The following SDK1 variants were observed in gnomAD, a reference collection of about 807,000 sequenced individuals.
SDK1 encodes the protein protein sidekick-1.
A neutral mutation model predicts 245.5 loss-of-function variants in SDK1; 157 were observed. That is an observed-to-expected ratio of 0.64 (90% CI 0.56 to 0.73). SDK1 has a LOEUF of 0.73. SDK1 is among the 30% of genes least tolerant of loss of function. The probability of loss-of-function intolerance (pLI) is 0.00; values close to 1 mark genes in which losing one functional copy is unlikely to be tolerated. For missense variants in SDK1, 3,583 were observed against 3,002.3 expected, an observed-to-expected ratio of 1.19 and a Z score of -4.52; for synonymous variants, 1,647 against 1,278.5, an observed-to-expected ratio of 1.29 and a Z score of -6.15.
At chr7:3,586,704 CAAAA>C (rs57309941) in intron 1 of SDK1, among the ~76,000 whole-genome samples, 3 of 82,176 alleles carry the variant, frequency 3.7e-5, no homozygotes, top group Admixed American at 1.3e-4. Flanking sequence ...GACTCCGTCT[CAAAA>C]AAAAAAAAAA....
At chr7:3,947,109 C>A (rs780133174) in intron 5 of SDK1, among the ~76,000 whole-genome samples, 2 of 152,082 alleles carry the variant, frequency 1.3e-5, no homozygotes. Context: ...TATGTGTAGG[C>A]CTTTTGTTAT....
intron 36 of SDK1, among the ~76,000 whole-genome samples, chr7:4,207,332 T>C (rs1273108875): frequency 1.3e-5 from 2 of 152,194 alleles, no homozygotes; most frequent in Non-Finnish European, 2.9e-5. Flanking sequence ...GTGTTGTCTT[T>C]GGGCAGCCTG....
intron 4 of SDK1, among the ~76,000 whole-genome samples, chr7:3,789,696 T>C (rs987918300): frequency 4.6e-5 from 7 of 152,112 alleles, no homozygotes; most frequent in African/African-American, 1.7e-4. Context: ...ATGAAGATGA[T>C]AGAAAGACAA....
chr7:3,345,828 T>G (rs73048634), intron 1 of SDK1, among the ~76,000 whole-genome samples: 15,746 of 152,224 alleles, frequency 0.1, 1,026 homozygotes, highest in African/African-American at 0.18. Flanking sequence ...CAGTAATGTT[T>G]GATCCTTTAT....
intron 1 of SDK1, among the ~76,000 whole-genome samples, chr7:3,496,569 A>G (rs1782033025): frequency 6.6e-6 from 1 of 152,036 alleles, no homozygotes; most frequent in African/African-American, 2.4e-5. Flanking sequence ...CAAATGAGCT[A>G]TTTGAAACAG....
intron 1 of SDK1, among the ~76,000 whole-genome samples, chr7:3,431,362 T>C (rs1040486754): frequency 2.7e-5 from 4 of 150,098 alleles, no homozygotes; most frequent in African/African-American, 9.9e-5. Context: ...TGGGAGGTTT[T>C]TTTTTTTTTT....
At chr7:3,818,162 G>A (rs1779555914) in intron 4 of SDK1, among the ~76,000 whole-genome samples, 2 of 152,132 alleles carry the variant, frequency 1.3e-5, no homozygotes, top group Non-Finnish European at 2.9e-5. Context: ...ACAAAGATGG[G>A]GGAAGACTAA....
At chr7:4,028,904 A>C (rs1423160424) in intron 17 of SDK1, among the ~76,000 whole-genome samples, 1 of 152,154 alleles carries the variant, frequency 6.6e-6, no homozygotes, top group Admixed American at 6.5e-5. Context: ...GCTCTGCAAC[A>C]CTTGATGGGG....
intron 4 of SDK1, among the ~76,000 whole-genome samples, chr7:3,697,081 T>G (rs10230759): frequency 6.6e-6 from 1 of 152,244 alleles, no homozygotes; most frequent in African/African-American, 2.4e-5. Flanking sequence ...TGTTTTATTT[T>G]CTAGATTTTC....
chr7:3,350,410 T>C (rs776578600), intron 1 of SDK1, among the ~76,000 whole-genome samples: 4 of 152,214 alleles, frequency 2.6e-5, no homozygotes, highest in Non-Finnish European at 5.9e-5. Flanking sequence ...CCAAATTTAC[T>C]CAGCACATAA....
chr7:4,178,328 C>A lies in SDK1; in HGVS notation c.4997-157C>A, dbSNP rs547248793. Among the ~76,000 whole-genome samples, 12 of 152,242 alleles carry A rather than the reference C, an allele frequency of 7.9e-5. No individual in the cohort carries two copies. The East Asian group carries it at 2.3e-3, about 30-fold the overall frequency. On this transcript the variant is annotated intron_variant, in intron 34 of 44. Transcript: ENST00000404826. ...TTAATAGGAGAGAAGGAGGGTGCCC[C>A]GGTCACAGTGGATGCAGGTATTTCA... is the stretch of plus-strand genomic sequence containing the variant.
At position 3,832,197 on chromosome 7, in the gene SDK1, G is replaced by T. The variant is rs77636908; in HGVS notation, c.847+10614G>T. On this transcript the variant is annotated intron_variant, in intron 5 of 44. Transcript: ENST00000404826. The stretch of plus-strand genomic sequence containing the variant: ...TTACTTTCACTAATCTTATGCAGTT[G>T]ATTACGTGGGTTAGTTTTGAACCCA... Among the ~76,000 whole-genome samples the T allele has an allele frequency of 1.8e-3, 277 of 152,274 alleles. 5 individuals carry two copies. The South Asian group carries it at 0.028, about 16-fold the overall frequency.
At chr7:4,014,211 C>T (rs879338537) in intron 16 of SDK1, among the ~76,000 whole-genome samples, 19 of 152,158 alleles carry the variant, frequency 1.2e-4, no homozygotes, top group Non-Finnish European at 2.2e-4. Context: ...GAACCAGGCC[C>T]GGGGCACAGA....
At chr7:4,070,990 T>A (rs1187176398) in intron 20 of SDK1, among the ~76,000 whole-genome samples, 1 of 151,714 alleles carries the variant, frequency 6.6e-6, no homozygotes, top group African/African-American at 2.4e-5. Context: ...GTGCCTCTTA[T>A]AAGCATATAG....
intron 41 of SDK1, among the ~76,000 whole-genome samples, chr7:4,235,701 A>T (rs1786119821): frequency 6.6e-6 from 1 of 152,134 alleles, no homozygotes; most frequent in African/African-American, 2.4e-5. Context: ...GTGCACTTTG[A>T]CCCCACTTCC....
chr7:3,446,946 G>C (rs1780359672), intron 1 of SDK1, among the ~76,000 whole-genome samples: 1 of 152,018 alleles, frequency 6.6e-6, no homozygotes, highest in Non-Finnish European at 1.5e-5. Context: ...TCAAGAAAAA[G>C]GTTGAAAAAA....
At chr7:3,809,413 C>T (rs993832119) in intron 4 of SDK1, among the ~76,000 whole-genome samples, 2 of 152,170 alleles carry the variant, frequency 1.3e-5, no homozygotes, top group Non-Finnish European at 2.9e-5. Context: ...CAGATCCAGA[C>T]CGTATCCCTG....
intron 4 of SDK1, among the ~76,000 whole-genome samples, chr7:3,736,597 A>C (rs1779324573): frequency 6.6e-6 from 1 of 152,126 alleles, no homozygotes; most frequent in South Asian, 2.1e-4. Context: ...TTTAGCTGCT[A>C]TCCCCAGTTT....
At chr7:3,699,749 A>C (rs916616975) in intron 4 of SDK1, among the ~76,000 whole-genome samples, 2 of 152,208 alleles carry the variant, frequency 1.3e-5, no homozygotes, top group Non-Finnish European at 2.9e-5. Context: ...AGATTTCCTG[A>C]ATATGGCATT....
Sources: gnomAD v4.1 joint callset for allele counts (sites outside exome capture counted in the v4.1 genomes callset) on GRCh38, gnomAD v4.1.1 for gene constraint, MANE v1.5 for transcripts, NCBI Gene and HGNC (gene_info 2026-07-23, HGNC 2026-07-21) for gene names.